Variants in HAAO observed in about 807,000 individuals in gnomAD.
The protein encoded by HAAO is 3-hydroxyanthranilate 3,4-dioxygenase.
Under a neutral mutation model 46.2 loss-of-function variants are expected in HAAO, and 49 were observed. That is an observed-to-expected ratio of 1.06 (90% CI 0.84 to 1.34). The LOEUF is 1.34. Ranked by LOEUF, HAAO falls within the 40% of genes most tolerant of loss-of-function variation. The pLI, the probability that HAAO is intolerant of heterozygous loss-of-function variation, is 0.00. For synonymous variants in HAAO, 157 were observed against 145.2 expected (o/e 1.08, Z -0.58); for missense variants, 408 against 364.5 (o/e 1.12, Z -0.97).
intron 1 of HAAO, among the ~76,000 whole-genome samples, 159 bp downstream of exon 1, chr2:42,792,298 C>T (rs1490300514): frequency 6.6e-6 from 1 of 152,140 alleles, no homozygotes; most frequent in African/African-American, 2.4e-5. Context: ...GTGGTGGAAC[C>T]GGAACAGCCT....
intron 4 of HAAO, among the ~76,000 whole-genome samples, chr2:42,771,204 C>T (rs550959674): frequency 1.4e-5 from 2 of 146,866 alleles, no homozygotes; most frequent in East Asian, 1.9e-4. Flanking sequence ...TGGTGAAACC[C>T]TGTCTCTACT....
intron 2 of HAAO, 125 bp downstream of exon 2, chr2:42,788,404 C>T (rs950539505): frequency 2.8e-6 from 2 of 717,752 alleles, no homozygotes; most frequent in East Asian, 5.2e-5. Context: ...CCCCTCCACT[C>T]ATCAGCCACA....
chr2:42,784,869 G>C (rs1162838369), intron 2 of HAAO, among the ~76,000 whole-genome samples: 1 of 152,170 alleles, frequency 6.6e-6, no homozygotes, highest in Non-Finnish European at 1.5e-5. Context: ...GGGACTGTGG[G>C]GTTTATTGGG....
intron 2 of HAAO, among the ~76,000 whole-genome samples, chr2:42,785,858 A>G (rs1672343972): frequency 6.6e-6 from 1 of 152,098 alleles, no homozygotes. Context: ...TGAGACCCCC[A>G]TCTCTAAAAA....
In HAAO at chr2:42,770,256, A is replaced by C. The variant is rs998987406; in HGVS notation, c.441-70T>G. 6.9e-6 allele frequency: 9 copies of C among 1,302,942 alleles called. No homozygotes were observed. The African/African-American group carries it at 1.3e-4, about 19-fold the overall frequency. 80.7% of individuals were successfully genotyped at this position (1,302,942 alleles called of 1,614,324 possible). ...TCGGAGTGGCCAGCGACACACACATACACCACACTCACGGTCAGGTGCAGG... is the reference window on the plus strand; with the variant it reads ...TCGGAGTGGCCAGCGACACACACATCCACCACACTCACGGTCAGGTGCAGG... On this transcript the variant is annotated intron_variant, in intron 5 of 9. Transcript: ENST00000294973.
chr2:42,767,504 T>C lies in HAAO; in HGVS notation c.794A>G (p.Glu265Gly), dbSNP rs1333851493. 6.2e-7 allele frequency: 1 copy of C among 1,612,126 alleles called. No individual in the cohort carries two copies. ...LVLAGTSYAW[E>G]RTQGSVALSV... ...CAGGGCCACAGAGCCTTGTGTTCGC[T>C]CCCAGGCATACCTGTGGACACACAG... The change falls in exon 10 of 10, where the codon GAG becomes GGG. Residue 265 changes from glutamate (E) to glycine (G), a missense_variant. Glu to Gly is a moderately conservative substitution (Grantham distance 98). Transcript: ENST00000294973.
chr2:42,769,936 C>G, intron 6 of HAAO, 78 bp from the exon 7 acceptor site: 1 of 1,470,096 alleles, frequency 6.8e-7, no homozygotes, highest in South Asian at 1.3e-5. Flanking sequence ...TTCCCAGGGG[C>G]CCCAGGTCTC....
Position 42,769,825 on chromosome 2 carries a change from C to T in HAAO, c.518G>A (p.Ser173Asn). ...QLLKEPPFPLSTRSIMEPMSL... is the reference protein window; with the variant it reads ...QLLKEPPFPLNTRSIMEPMSL... ...CATGGGCTCCATGATGGATCGTGTG[C>T]TCAGAGGGAATGGTGGCTCCTTGAG... The change falls in exon 7 of 10, where the codon AGC becomes AAC. Residue 173 changes from serine (S) to asparagine (N), a missense_variant. By Grantham distance (46) the Ser-to-Asn change is conservative. Coordinates refer to ENST00000294973, the MANE Select transcript of HAAO (RefSeq NM_012205.3). 1 of 1,613,522 alleles carries T rather than the reference C, an allele frequency of 6.2e-7. No homozygotes were observed. The highest frequency in any genetic ancestry group is 8.5e-7 in the Non-Finnish European group (1 of 1,179,770).
At chr2:42,789,318 T>C (rs1447040551) in intron 1 of HAAO, among the ~76,000 whole-genome samples, 1 of 152,310 alleles carries the variant, frequency 6.6e-6, no homozygotes, top group East Asian at 1.9e-4. Flanking sequence ...TGGTGGCTCA[T>C]GCCTGTAATC....
At chr2:42,777,361 G>A (rs1444641642) in intron 4 of HAAO, among the ~76,000 whole-genome samples, 1 of 141,500 alleles carries the variant, frequency 7.1e-6, no homozygotes, top group Non-Finnish European at 1.5e-5. Context: ...GAAAGTCTAA[G>A]ATAGGAAAAA....
At chr2:42,786,197 G>T (rs6717616) in intron 2 of HAAO, among the ~76,000 whole-genome samples, 120,854 of 152,020 alleles carry the variant, frequency 0.79, 48,387 homozygotes, top group Middle Eastern at 0.92. Flanking sequence ...ATACGATATT[G>T]TCTCTATTTT....
In HAAO at chr2:42,767,590, C is replaced by T. The variant is rs1426315326; in HGVS notation, c.782+5G>A. ...TCCCAGGGAAAGCCCTCCCTGCGTA[C>T]TCACGAGGTCCCAGCTAGCACCAGG... On this transcript the variant is annotated splice_donor_5th_base_variant and intron_variant, in intron 9 of 9. Coordinates refer to ENST00000294973, the MANE Select transcript of HAAO (RefSeq NM_012205.3). 6.3e-7 allele frequency: 1 copy of T among 1,577,758 alleles called. No homozygotes were observed. The highest frequency in any genetic ancestry group is 1.3e-5 in the African/African-American group (1 of 74,236).
intron 1 of HAAO, among the ~76,000 whole-genome samples, chr2:42,790,314 T>TA (rs1419117524): frequency 1.3e-5 from 2 of 151,814 alleles, no homozygotes; most frequent in African/African-American, 4.8e-5. Flanking sequence ...AGTCCATGCT[T>TA]AAAGAACTTA....
At chr2:42,775,561 GT>G (rs1005979130) in intron 4 of HAAO, among the ~76,000 whole-genome samples, 10 of 151,584 alleles carry the variant, frequency 6.6e-5, no homozygotes, top group African/African-American at 2.4e-4. Context: ...TAACTTTCAT[GT>G]TTTTGTTTTT....
intron 8 of HAAO, 77 bp downstream of exon 8, chr2:42,767,783 T>A: frequency 6.5e-7 from 1 of 1,550,096 alleles, no homozygotes; most frequent in Non-Finnish European, 8.9e-7. Context: ...GGGCCCCGTG[T>A]GGGAGCCCAG....
intron 1 of HAAO, among the ~76,000 whole-genome samples, chr2:42,790,310 T>C (rs1001019462): frequency 6.6e-6 from 1 of 151,976 alleles, no homozygotes; most frequent in African/African-American, 2.4e-5. Flanking sequence ...GAACAGTCCA[T>C]GCTTAAAGAA....
chr2:42,770,456 A>G (rs1671024576), intron 5 of HAAO, 37 bp downstream of exon 5: 15 of 1,398,040 alleles, frequency 1.1e-5, no homozygotes, highest in Non-Finnish European at 1.5e-5. Flanking sequence ...GCAGAGCCCC[A>G]GGAAAGCAAG....
intron 8 of HAAO, 32 bp downstream of exon 8, chr2:42,767,828 G>C (rs200348146): frequency 1.2e-6 from 2 of 1,607,482 alleles, no homozygotes; most frequent in Non-Finnish European, 8.5e-7. Context: ...CTGGCAGGGG[G>C]TTCTGCAACC....
Position 42,767,369 on chromosome 2 carries a change from T to C in HAAO, c.*68A>G. 9.3e-7 allele frequency: 1 copy of C among 1,078,330 alleles called. No homozygotes were observed. The highest frequency in any genetic ancestry group is 1.8e-5 in the Admixed American group (1 of 54,336). 66.8% of individuals were successfully genotyped at this position (1,078,330 alleles called of 1,614,324 possible). Reference sequence around the variant, plus strand: ...GAGAGGTAGTGGGGGCTGGGAGAGTTGTTTGGCAGGGATGGCACTCGAGGG... The same window carrying C: ...GAGAGGTAGTGGGGGCTGGGAGAGTCGTTTGGCAGGGATGGCACTCGAGGG... On this transcript the variant is annotated 3_prime_UTR_variant, in exon 10 of 10. Coordinates refer to ENST00000294973, the MANE Select transcript of HAAO (RefSeq NM_012205.3).
Sources: allele counts gnomAD v4.1 joint callset (sites outside exome capture counted in the v4.1 genomes callset), GRCh38; gene constraint gnomAD v4.1.1; transcripts MANE v1.5; gene names NCBI Gene and HGNC (gene_info 2026-07-23, HGNC 2026-07-21).